Variants in UBR1 observed in about 807,000 individuals in gnomAD.
UBR1 encodes E3 ubiquitin-protein ligase UBR1.
In UBR1, 102 loss-of-function variants were observed where a neutral mutation model predicts 242.1. The ratio of observed to expected loss-of-function variants is 0.42; its 90% CI spans 0.36 to 0.50. UBR1 has a LOEUF of 0.50. Ranked by LOEUF, UBR1 falls within the 20% of genes least tolerant of loss-of-function variation. The pLI is 0.01. For missense variants in UBR1, 1,772 were observed against 2,101.8 expected (o/e 0.84, Z 3.07); for synonymous variants, 675 against 684.8 (o/e 0.99, Z 0.22).
At chr15:43,013,887 CGGTCTCCCTCTCCCTCTCTTTCCAT>C (rs944108496) in intron 29 of UBR1, among the ~76,000 whole-genome samples, 11 of 151,984 alleles carry the variant, frequency 7.2e-5, no homozygotes, top group Admixed American at 3.9e-4. Flanking sequence ...CCCCTCCCCA[CGGTCTCCCTCTCCCTCTCTTTCCAT>C]GGTCTCCCTC....
intron 30 of UBR1, among the ~76,000 whole-genome samples, chr15:43,004,612 C>T (rs1377255136): frequency 2.6e-5 from 4 of 152,220 alleles, no homozygotes; most frequent in Non-Finnish European, 5.9e-5. Flanking sequence ...AGCTCCTGAC[C>T]GCGAGTGATC....
intron 1 of UBR1, among the ~76,000 whole-genome samples, chr15:43,087,997 C>T (rs933431721): frequency 2.0e-5 from 3 of 152,098 alleles, no homozygotes; most frequent in Admixed American, 1.3e-4. Flanking sequence ...TATTTGAATA[C>T]AAAAATCTCT....
At chr15:42,992,402 A>G (rs1472747316) in intron 33 of UBR1, among the ~76,000 whole-genome samples, 1 of 152,314 alleles carries the variant, frequency 6.6e-6, no homozygotes, top group East Asian at 1.9e-4. Context: ...AACCTCTGGA[A>G]ACATGAACAG....
Position 43,058,546 on chromosome 15 carries a change from C to T in UBR1, c.1094-117G>A, listed in dbSNP as rs2033645157. 38 of 668,236 alleles carry T rather than the reference C, an allele frequency of 5.7e-5. No homozygotes were observed. In the South Asian group the frequency reaches 6.7e-4, roughly 12 times the overall value. 41.4% of individuals were successfully genotyped at this position (668,236 alleles called of 1,614,324 possible). On this transcript the variant is annotated intron_variant, in intron 9 of 46. Coordinates refer to ENST00000290650, the MANE Select transcript of UBR1 (RefSeq NM_174916.3). ...TAAAATTACTTCACATGCAAACAGA[C>T]CTCAAATAGTATTTATTGTATTAAT... is the stretch of plus-strand genomic sequence containing the variant.
intron 37 of UBR1, among the ~76,000 whole-genome samples, chr15:42,981,900 T>C (rs1476440034): frequency 1.3e-5 from 2 of 152,192 alleles, no homozygotes; most frequent in African/African-American, 2.4e-5. Context: ...CAAATAAAAA[T>C]GCACCTCTAA....
At chr15:43,044,293 G>A (rs1459119177) in intron 14 of UBR1, among the ~76,000 whole-genome samples, 1 of 152,114 alleles carries the variant, frequency 6.6e-6, no homozygotes, top group Admixed American at 6.5e-5. Flanking sequence ...GATTGGAGAG[G>A]ATAAAGTTAG....
intron 15 of UBR1, among the ~76,000 whole-genome samples, chr15:43,041,481 C>T (rs569231517): frequency 6.6e-6 from 1 of 151,918 alleles, no homozygotes; most frequent in African/African-American, 2.4e-5. Context: ...TAGGGACCCC[C>T]CTATACATTA....
chr15:42,984,835 G>T, intron 36 of UBR1, 52 bp downstream of exon 36: 1 of 1,461,500 alleles, frequency 6.8e-7, no homozygotes, highest in South Asian at 1.2e-5. Context: ...AAACTGTGGG[G>T]GGGAAAAAAG....
chr15:43,031,801 T>A (rs1337418210), intron 20 of UBR1, among the ~76,000 whole-genome samples: 1 of 152,116 alleles, frequency 6.6e-6, no homozygotes. Flanking sequence ...GGCAGGCAGA[T>A]CATGAGGTCA....
chr15:43,025,309 A>T, intron 24 of UBR1, 72 bp downstream of exon 24: 1 of 1,467,526 alleles, frequency 6.8e-7, no homozygotes, highest in Non-Finnish European at 9.4e-7. Context: ...AACAACAAAA[A>T]ACTATATGCT....
chr15:43,067,226 T>G (rs2033765380), intron 6 of UBR1, among the ~76,000 whole-genome samples: 2 of 150,872 alleles, frequency 1.3e-5, no homozygotes, highest in African/African-American at 4.9e-5. Flanking sequence ...TACCCTTTTG[T>G]TTTTTTTTGA....
chr15:43,101,380 G>C (rs935075937), intron 1 of UBR1, among the ~76,000 whole-genome samples: 10 of 152,180 alleles, frequency 6.6e-5, no homozygotes, highest in African/African-American at 2.4e-4. Flanking sequence ...CAGTAGCCAA[G>C]ACAACAGAGA....
At chr15:42,974,476 T>C (rs1316801886) in intron 39 of UBR1, among the ~76,000 whole-genome samples, 4 of 152,238 alleles carry the variant, frequency 2.6e-5, no homozygotes, top group African/African-American at 2.4e-5. Context: ...TGTAGCTTTA[T>C]AGTAAGTCCT....
At chr15:43,037,062 G>A (rs2033346347) in intron 17 of UBR1, among the ~76,000 whole-genome samples, 1 of 151,808 alleles carries the variant, frequency 6.6e-6, no homozygotes, top group South Asian at 2.1e-4. Context: ...TTTAAGAAAT[G>A]CAAGGGCAGG....
chr15:43,009,679 C>A (rs1386263526), intron 29 of UBR1, among the ~76,000 whole-genome samples: 1 of 152,192 alleles, frequency 6.6e-6, no homozygotes, highest in Non-Finnish European at 1.5e-5. Flanking sequence ...CCCAATGATT[C>A]ATCAATAGTA....
intron 3 of UBR1, among the ~76,000 whole-genome samples, chr15:43,079,349 A>G (rs1030080957): frequency 6.6e-6 from 1 of 152,210 alleles, no homozygotes; most frequent in African/African-American, 2.4e-5. Context: ...CAAATTAAAA[A>G]TAAGACTATA....
intron 1 of UBR1, among the ~76,000 whole-genome samples, chr15:43,101,260 A>G (rs2034230841): frequency 6.6e-6 from 1 of 152,186 alleles, no homozygotes; most frequent in Admixed American, 6.5e-5. Context: ...TTTAGGTAGG[A>G]GACTGACATG....
chr15:43,097,529 G>A (rs188620987), intron 1 of UBR1, among the ~76,000 whole-genome samples: 461 of 152,308 alleles, frequency 3.0e-3, no homozygotes, highest in South Asian at 7.5e-3. Flanking sequence ...AGGCTGTTTC[G>A]TTTACATGGA....
At chr15:42,992,192 C>T (rs1248698090) in intron 33 of UBR1, among the ~76,000 whole-genome samples, 3 of 152,088 alleles carry the variant, frequency 2.0e-5, no homozygotes, top group Non-Finnish European at 2.9e-5. Context: ...AGAGTGTTTA[C>T]CTTCACCTTA....
Sources: gnomAD v4.1 joint callset for allele counts (sites outside exome capture counted in the v4.1 genomes callset) on GRCh38, gnomAD v4.1.1 for gene constraint, MANE v1.5 for transcripts, NCBI Gene and HGNC (gene_info 2026-07-23, HGNC 2026-07-21) for gene names.